SHKBP1: variants seen among roughly 807,000 people sequenced by gnomAD.
The protein encoded by SHKBP1 is SH3KBP1-binding protein 1.
SHKBP1 carries 71 observed loss-of-function variants against 83.9 expected under a neutral mutation model. The ratio of observed to expected loss-of-function variants is 0.85; its 90% CI spans 0.70 to 1.03. SHKBP1 has a LOEUF of 1.03. Among genes scored for constraint, SHKBP1 ranks in the 50% least tolerant of loss-of-function variants. The probability of loss-of-function intolerance (pLI) is 0.00; values close to 1 mark genes in which losing one functional copy is unlikely to be tolerated. For synonymous variants in SHKBP1, 371 were observed against 398.0 expected (o/e 0.93, Z 0.81); for missense variants, 824 against 982.4 (o/e 0.84, Z 2.16).
intron 9 of SHKBP1, 85 bp downstream of exon 9, chr19:40,581,021 C>G (rs58418484): frequency 7.6e-7 from 1 of 1,319,728 alleles, no homozygotes; most frequent in Non-Finnish European, 1.0e-6. Flanking sequence ...AATCCTCAAA[C>G]CCATAAGAAT....
At chr19:40,588,540 C>G in intron 13 of SHKBP1, 84 bp from the exon 14 acceptor site, 1 of 1,543,008 alleles carries the variant, frequency 6.5e-7, no homozygotes, top group South Asian at 1.1e-5. Flanking sequence ...CCTCCTGAAA[C>G]GGGGCTGTCC....
Position 40,577,993 on chromosome 19 carries a change from TCAA to T in SHKBP1, c.261-158_261-156del, listed in dbSNP as rs769771928. ...CACACACACACACACACACACACAC[TCAA>T]CATTTCCTCCACCCATATCATCACT... On this transcript the variant is annotated intron_variant, in intron 4 of 17. Coordinates refer to ENST00000291842, the MANE Select transcript of SHKBP1 (RefSeq NM_138392.4). The T allele has an allele frequency of 7.7e-4, 447 of 576,966 alleles. 1 individual carries two copies. The highest frequency in any genetic ancestry group is 1.1e-3 in the Non-Finnish European group (350 of 313,186). The allele number at this position is 576,966 out of a possible 1,614,324, so 35.7% of individuals were successfully genotyped here. A position where few individuals can be genotyped will look rare whatever the true frequency, so the allele number is the denominator to read the frequency against.
chr19:40,586,756 T>C lies in SHKBP1; in HGVS notation c.1166-18T>C. 6.4e-7 allele frequency: 1 copy of C among 1,558,598 alleles called. No individual in the cohort carries two copies. The highest frequency in any genetic ancestry group is 8.7e-7 in the Non-Finnish European group (1 of 1,147,248). ...CTCTGTGGCCCAGGCCCTCTCCTCA[T>C]CCTTGGCCCCTCACCAGGTGACAGT... On this transcript the variant is annotated intron_variant, in intron 12 of 17. Transcript: ENST00000291842.
chr19:40,577,165 G>A, intron 1 of SHKBP1, 66 bp from the exon 2 acceptor site: 3 of 1,586,552 alleles, frequency 1.9e-6, no homozygotes, highest in East Asian at 2.2e-5. Context: ...TGGATCCTGC[G>A]GGAGGGGGAC....
chr19:40,585,083 G>A (rs1371066257), intron 12 of SHKBP1, among the ~76,000 whole-genome samples: 1 of 151,896 alleles, frequency 6.6e-6, no homozygotes, highest in Non-Finnish European at 1.5e-5. Context: ...TAAATTTTAT[G>A]TATGGTGTGA....
intron 6 of SHKBP1, 30 bp downstream of exon 6, chr19:40,578,572 C>T (rs554132406): frequency 5.6e-6 from 9 of 1,596,424 alleles, no homozygotes; most frequent in Admixed American, 1.7e-5. Context: ...TGGAGGGGCG[C>T]GGAGGTGGGC....
At chr19:40,588,884 C>G (rs577741897) in intron 14 of SHKBP1, 105 bp downstream of exon 14, 1 of 1,463,944 alleles carries the variant, frequency 6.8e-7, no homozygotes, top group African/African-American at 1.4e-5. Flanking sequence ...GAGCCTGCAA[C>G]GATTGGGGTG....
In SHKBP1 at chr19:40,580,764, C is replaced by T; in HGVS notation, c.672C>T (p.Gly224=). 1 of 1,610,490 alleles carries T rather than the reference C, an allele frequency of 6.2e-7. No homozygotes were observed. The highest frequency in any genetic ancestry group is 8.5e-7 in the Non-Finnish European group (1 of 1,177,710). The part of the protein sequence containing the change: ...LVCYRLKEAS[G]WQLVFSSPRL... ...CCTACAGGTTGAAGGAAGCCTCTGGCTGGCAGCTGGTGTTTTCCAGCCCCC... is the reference window on the plus strand; with the variant it reads ...CCTACAGGTTGAAGGAAGCCTCTGGTTGGCAGCTGGTGTTTTCCAGCCCCC... The change falls in exon 9 of 18, where the codon GGC becomes GGT. Residue 224 remains glycine (G), a synonymous_variant. Coordinates refer to ENST00000291842, the MANE Select transcript of SHKBP1 (RefSeq NM_138392.4).
At chr19:40,589,861 G>A (rs1185946244) in intron 15 of SHKBP1, among the ~76,000 whole-genome samples, 1 of 152,042 alleles carries the variant, frequency 6.6e-6, no homozygotes, top group Non-Finnish European at 1.5e-5. Flanking sequence ...GCCTTGTCAG[G>A]CTGTGGAAGG....
intron 14 of SHKBP1, 116 bp from the exon 15 acceptor site, chr19:40,588,966 C>CT (rs1415886574): frequency 2.3e-4 from 301 of 1,317,282 alleles, no homozygotes; most frequent in Admixed American, 2.5e-4. Context: ...CTGCCCAACT[C>CT]TAACAACCTG....
Position 40,590,705 on chromosome 19 carries a change from CT to C in SHKBP1, c.1769-24del, listed in dbSNP as rs138915315. The C allele has an allele frequency of 0.086, 133,680 of 1,561,718 alleles. 6,345 individuals are homozygous for C. The highest frequency in any genetic ancestry group is 0.12 in the Middle Eastern group (698 of 5,688). On this transcript the variant is annotated intron_variant, in intron 16 of 17. Transcript: ENST00000291842. This position sits in a 1 kb window ranked among gnomAD's most constrained non-coding sequence, Gnocchi z 4.6. Reference sequence around the variant, plus strand: ...TGCCCTATGACCCCTGTCTTGCCCCCTGACCCTGCTTCCGTGCCCCCCAGCA... The same window carrying C: ...TGCCCTATGACCCCTGTCTTGCCCCCGACCCTGCTTCCGTGCCCCCCAGCA...
chr19:40,590,729 G>T lies in SHKBP1; in HGVS notation c.1769-1G>T. On this transcript the variant is annotated splice_acceptor_variant, in intron 16 of 17. Coordinates refer to ENST00000291842, the MANE Select transcript of SHKBP1 (RefSeq NM_138392.4). LOFTEE classifies it high-confidence loss of function. The surrounding 1 kb of genome is among the most constrained non-coding windows in gnomAD (Gnocchi z 4.6). ...CCTGACCCTGCTTCCGTGCCCCCCA[G>T]CAGGTGGCCTGACGGAGCAAGAGCT... is the stretch of plus-strand genomic sequence containing the variant. The T allele has an allele frequency of 6.3e-7, 1 of 1,586,460 alleles. No individual in the cohort carries two copies.
intron 6 of SHKBP1, 124 bp downstream of exon 6, chr19:40,578,666 A>T (rs1321151679): frequency 3.6e-6 from 3 of 826,132 alleles, no homozygotes; most frequent in African/African-American, 1.7e-5. Context: ...GTAGTTCCCT[A>T]TCAGATGCTT....
Position 40,590,194 on chromosome 19 carries a change from A to G in SHKBP1, c.1590-50A>G. ...AGCCACAGTGGTGGGGACTGGGACG[A>G]GGAAGGGTGAGAAAGCGAGGGTGAC... On this transcript the variant is annotated intron_variant, in intron 15 of 17. Transcript: ENST00000291842. The surrounding 1 kb of genome is among the most constrained non-coding windows in gnomAD (Gnocchi z 4.6). 6.7e-7 allele frequency: 1 copy of G among 1,495,538 alleles called. No homozygotes were observed. Among genetic ancestry groups the G allele is most frequent in the African/African-American group, 1.4e-5 (1 of 72,302 alleles). 92.6% of individuals were successfully genotyped at this position (1,495,538 alleles called of 1,614,324 possible). A position where few individuals can be genotyped will look rare whatever the true frequency, so the allele number is the denominator to read the frequency against.
intron 4 of SHKBP1, 112 bp downstream of exon 4, chr19:40,577,742 A>G (rs1359238224): frequency 1.5e-6 from 2 of 1,365,162 alleles, no homozygotes; most frequent in Admixed American, 3.4e-5. Context: ...TCTCATTCAG[A>G]ACCTTGATCA....
At chr19:40,577,948 T>TACACACACACACAC (rs58880858) in intron 4 of SHKBP1, 20 of 567,558 alleles carry the variant, frequency 3.5e-5, no homozygotes, top group East Asian at 1.2e-4. Context: ...GATTTCTCCC[T>TACACACACACACAC]ACACACACAC....
At position 40,577,001 on chromosome 19, in the gene SHKBP1, T is replaced by G. The variant is rs1031213888; in HGVS notation, c.86+16T>G. 7.4e-6 allele frequency: 11 copies of G among 1,481,380 alleles called. No individual in the cohort carries two copies. The highest frequency in any genetic ancestry group is 1.0e-5 in the Non-Finnish European group (11 of 1,101,008). 91.8% of individuals were successfully genotyped at this position (1,481,380 alleles called of 1,614,324 possible). ...GAGGCAAGAGGTGAGTGTGGGAGAC[T>G]CCTGAGGTCCCATCCTCGGGGGCGG... On this transcript the variant is annotated intron_variant, in intron 1 of 17. Coordinates refer to ENST00000291842, the MANE Select transcript of SHKBP1 (RefSeq NM_138392.4).
Position 40,588,672 on chromosome 19 carries a change from G to A in SHKBP1, c.1385G>A (p.Arg462His). ...CGGACATGGTCTGTGACTCGCTTCC[G>A]CGGCATGATTTCCACCCAGCCCGGC... ...HVRTWSVTRFRGMISTQPGST... is the reference protein window; with the variant it reads ...HVRTWSVTRFHGMISTQPGST... Residue 462 changes from arginine (R) to histidine (H), a missense_variant, in exon 14 of 18, where the codon CGC (arginine) becomes CAC (histidine). By Grantham distance (29) the Arg-to-His change is conservative (BLOSUM62 0). Transcript: ENST00000291842. 6.2e-7 allele frequency: 1 copy of A among 1,614,140 alleles called. No homozygotes were observed. The highest frequency in any genetic ancestry group is 8.5e-7 in the Non-Finnish European group (1 of 1,180,026).
Position 40,590,178 on chromosome 19 carries a change from G to C in SHKBP1, c.1590-66G>C, listed in dbSNP as rs981929167. On this transcript the variant is annotated intron_variant, in intron 15 of 17. Transcript: ENST00000291842. This position sits in a 1 kb window ranked among gnomAD's most constrained non-coding sequence, Gnocchi z 4.6. ...GAGAGGCAGGAACTGCAGCCACAGT[G>C]GTGGGGACTGGGACGAGGAAGGGTG... The C allele has an allele frequency of 1.4e-6, 2 of 1,461,710 alleles. No individual in the cohort carries two copies. The highest frequency in any genetic ancestry group is 1.8e-6 in the Non-Finnish European group (2 of 1,099,222). The allele number at this position is 1,461,710 out of a possible 1,614,324, so 90.5% of individuals were successfully genotyped here.
Sources: gnomAD v4.1 joint callset for allele counts (sites outside exome capture counted in the v4.1 genomes callset) on GRCh38, gnomAD v4.1.1 for gene constraint, Gnocchi (gnomAD v3.1) non-coding constraint, MANE v1.5 for transcripts, NCBI Gene and HGNC (gene_info 2026-07-23, HGNC 2026-07-21) for gene names.